Variants in TFB1M observed in about 807,000 individuals in gnomAD.
TFB1M encodes transcription factor B1, mitochondrial, also known as dimethyladenosine transferase 1, mitochondrial.
TFB1M carries 27 observed loss-of-function variants against 31.1 expected under a neutral mutation model. The ratio of observed to expected loss-of-function variants is 0.87; its 90% CI spans 0.64 to 1.20. TFB1M has a LOEUF of 1.20. TFB1M is among the 50% of genes most tolerant of loss of function. TFB1M has a pLI of 0.00. For missense variants in TFB1M, 394 were observed against 418.7 expected, an observed-to-expected ratio of 0.94 and a Z score of 0.51; for synonymous variants, 166 against 151.8, an observed-to-expected ratio of 1.09 and a Z score of -0.69.
chr6:155,290,157 C>T (rs1157912550), intron 4 of TFB1M, among the ~76,000 whole-genome samples: 2 of 152,044 alleles, frequency 1.3e-5, no homozygotes, highest in Admixed American at 6.5e-5. Context: ...GAGGCTGAGG[C>T]GTGTGGATCA....
chr6:155,274,165 C>T (rs1007396961), intron 5 of TFB1M, among the ~76,000 whole-genome samples: 18 of 152,198 alleles, frequency 1.2e-4, no homozygotes, highest in African/African-American at 4.3e-4. Flanking sequence ...GAGCCTGTAT[C>T]ACCTTTTGTA....
chr6:155,311,341 T>C lies in TFB1M; in HGVS notation c.134-2A>G, dbSNP rs776719363. 1 of 1,613,416 alleles carries C rather than the reference T, an allele frequency of 6.2e-7. No homozygotes were observed. On this transcript the variant is annotated splice_acceptor_variant, in intron 1 of 6. Transcript: ENST00000367166. LOFTEE classifies it high-confidence loss of function. Reference sequence around the variant, plus strand: ...TGCCAGCTTTCCTTACAATCTTATCTAGAGGAAAAAGAGTTTTAGTTATCT... The same window carrying C: ...TGCCAGCTTTCCTTACAATCTTATCCAGAGGAAAAAGAGTTTTAGTTATCT...
downstream of TFB1M, chr6:155,254,047 C>G: frequency 6.2e-7 from 1 of 1,614,078 alleles, no homozygotes; most frequent in Non-Finnish European, 8.5e-7. Context: ...AACCATCTTT[C>G]AGTTGTGTTG....
intron 2 of TFB1M, among the ~76,000 whole-genome samples, chr6:155,302,941 T>C (rs766088280): frequency 3.1e-4 from 47 of 152,238 alleles, no homozygotes; most frequent in Admixed American, 7.2e-4. Flanking sequence ...CAAGGAAAAG[T>C]GCCAAGCAAA....
chr6:155,301,513 G>A (rs1777430222), intron 2 of TFB1M, among the ~76,000 whole-genome samples: 2 of 152,194 alleles, frequency 1.3e-5, no homozygotes, highest in South Asian at 4.1e-4. Flanking sequence ...TAACAATGGA[G>A]CATTACACTT....
the TFB1M span, chr6:155,244,169 G>C: frequency 1.6e-6 from 2 of 1,236,070 alleles, no homozygotes; most frequent in African/African-American, 3.0e-5. Context: ...TATCTCTGTT[G>C]ATCCCAAAAG....
At chr6:155,244,977 G>A in the TFB1M span, 9 of 638,096 alleles carry the variant, frequency 1.4e-5, no homozygotes, top group Admixed American at 3.9e-5. Flanking sequence ...TTTTCCTGGC[G>A]CAGGTGCTTT....
chr6:155,274,736 T>C (rs1285675791), intron 5 of TFB1M, among the ~76,000 whole-genome samples: 1 of 152,260 alleles, frequency 6.6e-6, no homozygotes, highest in East Asian at 1.9e-4. Context: ...CAGACTTCTT[T>C]CCACTGCTGT....
chr6:155,252,592 G>A (rs1420955746), downstream of TFB1M, among the ~76,000 whole-genome samples: 1 of 152,168 alleles, frequency 6.6e-6, no homozygotes, highest in Non-Finnish European at 1.5e-5. Context: ...TGAAACTTTG[G>A]TTTATTTTCA....
intron 5 of TFB1M, among the ~76,000 whole-genome samples, chr6:155,266,846 CAAAAAAAAAAAA>C (rs1213939199): frequency 1.6e-5 from 1 of 62,832 alleles, no homozygotes; most frequent in African/African-American, 6.2e-5. Context: ...GACTCCGTCT[CAAAAAAAAAAAA>C]AAAAAAAAAA....
At chr6:155,293,852 A>G (rs370565157) in intron 4 of TFB1M, among the ~76,000 whole-genome samples, 5 of 152,162 alleles carry the variant, frequency 3.3e-5, no homozygotes, top group African/African-American at 1.2e-4. Context: ...ATTCAATCTT[A>G]AACTCTCCTG....
intron 2 of TFB1M, chr6:155,310,812 T>G (rs1236710293): frequency 4.8e-6 from 1 of 208,690 alleles, no homozygotes; most frequent in African/African-American, 2.3e-5. Context: ...AATGAAGTTC[T>G]CAAAAGTCAT....
chr6:155,278,316 CTA>C (rs1420657126), intron 5 of TFB1M, among the ~76,000 whole-genome samples: 2 of 152,226 alleles, frequency 1.3e-5, no homozygotes, highest in Non-Finnish European at 1.5e-5. Context: ...ATTTAACAAA[CTA>C]TGAATTTAAT....
intron 5 of TFB1M, among the ~76,000 whole-genome samples, chr6:155,278,403 C>A (rs76910093): frequency 6.6e-6 from 1 of 152,202 alleles, no homozygotes; most frequent in Admixed American, 6.5e-5. Flanking sequence ...TGTGTAAAAA[C>A]GCTCTATTTA....
chr6:155,252,622 C>A (rs555941616), downstream of TFB1M, among the ~76,000 whole-genome samples: 16 of 152,192 alleles, frequency 1.1e-4, no homozygotes, highest in Non-Finnish European at 2.4e-4. Flanking sequence ...TACCTTCACT[C>A]AGAAAAAAGC....
At position 155,257,268 on chromosome 6, in the gene TFB1M, T is replaced by C. The variant is rs1784119916; in HGVS notation, c.*568A>G. ...TTTTCCCACAAAATGGTTGTAAAGA[T>C]TTAAGTTATTTTAATTTATTGTGGA... On this transcript the variant is annotated 3_prime_UTR_variant, in exon 7 of 7. Transcript: ENST00000367166. 1.1e-6 allele frequency: 1 copy of C among 878,584 alleles called. No homozygotes were observed. The highest frequency in any genetic ancestry group is 1.7e-6 in the Non-Finnish European group (1 of 593,706). The allele number at this position is 878,584 out of a possible 1,614,324, so 54.4% of individuals were successfully genotyped here. A position where few individuals can be genotyped will look rare whatever the true frequency, so the allele number is the denominator to read the frequency against.
chr6:155,236,065 C>CA, the TFB1M span, among the ~76,000 whole-genome samples: 1 of 152,038 alleles, frequency 6.6e-6, no homozygotes, highest in Non-Finnish European at 1.5e-5. Flanking sequence ...GCTTGTGGTG[C>CA]AAATCCCAGT....
At chr6:155,279,268 A>G (rs1429055908) in intron 5 of TFB1M, among the ~76,000 whole-genome samples, 1 of 152,070 alleles carries the variant, frequency 6.6e-6, no homozygotes, top group Non-Finnish European at 1.5e-5. Flanking sequence ...TGACTGAAGA[A>G]TTCATCTAGT....
chr6:155,252,113 C>T, downstream of TFB1M: 1 of 786,948 alleles, frequency 1.3e-6, no homozygotes, highest in Non-Finnish European at 2.1e-6. Flanking sequence ...ACTGATACTG[C>T]TTACTCTGAG....
Sources: allele counts gnomAD v4.1 joint callset (sites outside exome capture counted in the v4.1 genomes callset), GRCh38; gene constraint gnomAD v4.1.1; transcripts MANE v1.5; gene names NCBI Gene and HGNC (gene_info 2026-07-23, HGNC 2026-07-21).